Variants in DPYD observed in about 807,000 individuals in gnomAD.
DPYD encodes dihydropyrimidine dehydrogenase [NADP(+)].
In DPYD, 109 loss-of-function variants were observed where a neutral mutation model predicts 116.2. The observed-to-expected ratio is 0.94, with a 90% CI of 0.80 to 1.10. The LOEUF (loss-of-function observed/expected upper bound fraction) is 1.10, where lower values mean the gene tolerates loss of function less well. Ranked by LOEUF, DPYD falls within the 50% of genes least tolerant of loss-of-function variation. The probability of loss-of-function intolerance (pLI) is 0.00; values close to 1 mark genes in which losing one functional copy is unlikely to be tolerated. For missense variants in DPYD, 1,302 were observed against 1,254.5 expected, an observed-to-expected ratio of 1.04 and a Z score of -0.57; for synonymous variants, 440 against 432.0, an observed-to-expected ratio of 1.02 and a Z score of -0.23.
intron 2 of DPYD, among the ~76,000 whole-genome samples, chr1:97,876,526 T>C (rs1338047441): frequency 6.6e-6 from 1 of 152,008 alleles, no homozygotes; most frequent in Non-Finnish European, 1.5e-5. Context: ...AGGAACTTAC[T>C]CTGCCATCTC....
At chr1:97,171,677 C>A (rs74731918) in intron 20 of DPYD, among the ~76,000 whole-genome samples, 1 of 152,068 alleles carries the variant, frequency 6.6e-6, no homozygotes, top group East Asian at 1.9e-4. Flanking sequence ...GTAGATAACA[C>A]AAAAAGCCCT....
At chr1:97,348,308 T>A (rs960417811) in intron 16 of DPYD, among the ~76,000 whole-genome samples, 5 of 152,208 alleles carry the variant, frequency 3.3e-5, no homozygotes, top group Admixed American at 6.6e-5. Context: ...AACAAGGGAT[T>A]GAATGCTGTC....
intron 2 of DPYD, among the ~76,000 whole-genome samples, chr1:97,853,135 CATT>C (rs1361096348): frequency 6.6e-6 from 1 of 152,170 alleles, no homozygotes; most frequent in African/African-American, 2.4e-5. Context: ...CTGCACTAAA[CATT>C]ATGAGGGCAG....
intron 8 of DPYD, among the ~76,000 whole-genome samples, chr1:97,671,950 T>G (rs377471579): frequency 6.7e-6 from 1 of 148,734 alleles, no homozygotes; most frequent in African/African-American, 2.5e-5. Flanking sequence ...TCTATTATTT[T>G]TTTTTTTTTT....
chr1:97,721,912 CTG>C (rs1292283585), intron 4 of DPYD, among the ~76,000 whole-genome samples: 1 of 151,542 alleles, frequency 6.6e-6, no homozygotes, highest in Non-Finnish European at 1.5e-5. Flanking sequence ...TTTTGGAAAA[CTG>C]AAGTTTAAAA....
intron 8 of DPYD, among the ~76,000 whole-genome samples, chr1:97,673,736 G>A (rs1223064289): frequency 6.6e-6 from 1 of 152,138 alleles, no homozygotes; most frequent in Non-Finnish European, 1.5e-5. Context: ...GGGGTGGGGG[G>A]TGAGGAAGAT....
chr1:97,674,040 A>G (rs916781091), intron 8 of DPYD, among the ~76,000 whole-genome samples: 1 of 152,164 alleles, frequency 6.6e-6, no homozygotes, highest in Non-Finnish European at 1.5e-5. Flanking sequence ...ATCTGGAAGG[A>G]AATATGGAGC....
At chr1:97,225,955 C>A (rs1459541369) in intron 19 of DPYD, among the ~76,000 whole-genome samples, 1 of 151,990 alleles carries the variant, frequency 6.6e-6, no homozygotes, top group Non-Finnish European at 1.5e-5. Flanking sequence ...AAAGTATAGG[C>A]CGTATCTCTG....
chr1:97,283,262 T>C (rs895207127), intron 18 of DPYD, among the ~76,000 whole-genome samples: 3 of 152,150 alleles, frequency 2.0e-5, no homozygotes, highest in African/African-American at 7.2e-5. Context: ...TTGGTTTGAG[T>C]GTCTTCTTTT....
intron 3 of DPYD, among the ~76,000 whole-genome samples, chr1:97,783,205 T>C (rs954567124): frequency 2.0e-5 from 3 of 152,182 alleles, no homozygotes; most frequent in African/African-American, 7.2e-5. Flanking sequence ...AAGAACTCCA[T>C]GCCCTAGTTG....
chr1:97,202,190 A>T (rs1659257226), intron 19 of DPYD, among the ~76,000 whole-genome samples: 1 of 152,160 alleles, frequency 6.6e-6, no homozygotes, highest in Admixed American at 6.6e-5. Context: ...GCCGAAATGG[A>T]TAAGTAGTTC....
At chr1:97,709,632 A>C (rs1474855231) in intron 5 of DPYD, among the ~76,000 whole-genome samples, 1 of 151,856 alleles carries the variant, frequency 6.6e-6, no homozygotes, top group African/African-American at 2.4e-5. Context: ...TAAAATGGAA[A>C]GATTGCAATG....
At chr1:97,399,161 A>T (rs1003363495) in intron 14 of DPYD, among the ~76,000 whole-genome samples, 1 of 152,222 alleles carries the variant, frequency 6.6e-6, no homozygotes, top group Non-Finnish European at 1.5e-5. Flanking sequence ...AGCTTTCTAC[A>T]TATGGCTAGC....
chr1:97,323,399 T>TGTGTATATGTACACGTATGTATAC lies in DPYD; in HGVS notation c.2059-17103_2059-17102insGTATACATACGTGTACATATACAC, dbSNP rs1558029985. Among the ~76,000 whole-genome samples, 12 of 39,440 alleles carry TGTGTATATGTACACGTATGTATAC rather than the reference T, an allele frequency of 3.0e-4. 1 individual carries two copies. Among genetic ancestry groups the TGTGTATATGTACACGTATGTATAC allele is most frequent in the South Asian group, 2.5e-3 (4 of 1,626 alleles). 25.9% of individuals were successfully genotyped at this position (39,440 alleles called of 152,430 possible). A position where few individuals can be genotyped will look rare whatever the true frequency, so the allele number is the denominator to read the frequency against. Reference sequence around the variant, plus strand: ...GTGTATATGTACACGTATGTATACATATGTGTATATGTACACGTATATATA... The same window carrying TGTGTATATGTACACGTATGTATAC: ...GTGTATATGTACACGTATGTATACATGTGTATATGTACACGTATGTATACATGTGTATATGTACACGTATATATA... On this transcript the variant is annotated intron_variant, in intron 16 of 22. Transcript: ENST00000370192.
chr1:97,688,929 G>T (rs1022614827), intron 7 of DPYD, among the ~76,000 whole-genome samples: 3 of 151,290 alleles, frequency 2.0e-5, no homozygotes, highest in Admixed American at 6.6e-5. Context: ...TTACAAAGGG[G>T]AATTGAAAAA....
intron 18 of DPYD, among the ~76,000 whole-genome samples, chr1:97,247,005 C>T (rs1662765504): frequency 6.6e-6 from 1 of 152,072 alleles, no homozygotes; most frequent in Admixed American, 6.6e-5. Context: ...TCATAAAGTT[C>T]TTTCTAGTCT....
chr1:97,308,109 T>G (rs72726687), intron 16 of DPYD, among the ~76,000 whole-genome samples: 1,558 of 151,950 alleles, frequency 0.01, 27 homozygotes, highest in Middle Eastern at 0.044. Flanking sequence ...TTGACCCCCA[T>G]GCCATAATAA....
intron 20 of DPYD, among the ~76,000 whole-genome samples, chr1:97,187,336 T>C (rs549230764): frequency 6.6e-6 from 1 of 152,300 alleles, no homozygotes; most frequent in South Asian, 2.1e-4. Flanking sequence ...ATTAGTGATG[T>C]TGAACAGTTT....
chr1:97,338,473 C>T (rs1669415913), intron 16 of DPYD, among the ~76,000 whole-genome samples: 1 of 152,064 alleles, frequency 6.6e-6, no homozygotes, highest in African/African-American at 2.4e-5. Flanking sequence ...CTGGAGACTG[C>T]CCAGCCACAT....
Sources: gnomAD v4.1 joint callset for allele counts (sites outside exome capture counted in the v4.1 genomes callset) on GRCh38, gnomAD v4.1.1 for gene constraint, MANE v1.5 for transcripts, NCBI Gene and HGNC (gene_info 2026-07-23, HGNC 2026-07-21) for gene names.